Variants in UGT1A8 observed in about 807,000 individuals in gnomAD.
The protein encoded by UGT1A8 is UDP glucuronosyltransferase family 1 member A8.
Under a neutral mutation model 45.3 loss-of-function variants are expected in UGT1A8, and 39 were observed. The observed-to-expected ratio is 0.86, with a 90% CI of 0.67 to 1.12. UGT1A8 has a LOEUF of 1.12. Among genes scored for constraint, UGT1A8 ranks in the 50% most tolerant of loss-of-function variants. The pLI, the probability that UGT1A8 is intolerant of heterozygous loss-of-function variation, is 0.00. For missense variants in UGT1A8, 719 were observed against 664.9 expected (o/e 1.08, Z -0.90); for synonymous variants, 275 against 249.2 (o/e 1.10, Z -0.97).
At chr2:233,738,343 T>C (rs1471318863) in intron 1 of UGT1A8, among the ~76,000 whole-genome samples, 1 of 152,180 alleles carries the variant, frequency 6.6e-6, no homozygotes, top group Non-Finnish European at 1.5e-5. Context: ...TAAATTGGTG[T>C]CATGGAGAGT....
intron 1 of UGT1A8, chr2:233,760,375 A>T (rs1032753915): frequency 1.2e-6 from 2 of 1,614,042 alleles, no homozygotes; most frequent in Admixed American, 1.7e-5. Context: ...TGCTGGGAAG[A>T]TACTGTTGAT....
At chr2:233,620,021 C>T (rs1412758496) in intron 1 of UGT1A8, among the ~76,000 whole-genome samples, 1 of 152,088 alleles carries the variant, frequency 6.6e-6, no homozygotes, top group Non-Finnish European at 1.5e-5. Context: ...CACCTGGTGT[C>T]TCATCTCATT....
chr2:233,761,292 A>G, intron 1 of UGT1A8: 4 of 1,528,102 alleles, frequency 2.6e-6, no homozygotes, highest in Middle Eastern at 1.9e-4. Flanking sequence ...TTTGACTCCT[A>G]GGTTTGAGTC....
Position 233,766,771 on chromosome 2 carries a change from C to T in UGT1A8, c.856-263C>T, listed in dbSNP as rs71528513. ...GTGCATGTGTGTGCATGTACCTGTG[C>T]TTTTCTTTTGGAAAACTAGCACATT... On this transcript the variant is annotated intron_variant, in intron 1 of 4. Transcript: ENST00000373450. 5.2e-3 allele frequency among the ~76,000 whole-genome samples: 785 copies of T among 152,286 alleles called. 3 individuals are homozygous for T. The highest frequency in any genetic ancestry group is 8.7e-3 in the Non-Finnish European group (595 of 68,032).
At chr2:233,756,948 G>A (rs530775201) in intron 1 of UGT1A8, among the ~76,000 whole-genome samples, 1 of 152,072 alleles carries the variant, frequency 6.6e-6, no homozygotes, top group African/African-American at 2.4e-5. Flanking sequence ...CCTGAAACCC[G>A]GACTTGGCAC....
chr2:233,641,312 T>C (rs2073446168), intron 1 of UGT1A8, among the ~76,000 whole-genome samples: 1 of 152,126 alleles, frequency 6.6e-6, no homozygotes. Flanking sequence ...GCAAATACTA[T>C]CTTATAAACC....
At chr2:233,628,699 A>G (rs1406235479) in intron 1 of UGT1A8, among the ~76,000 whole-genome samples, 1 of 152,118 alleles carries the variant, frequency 6.6e-6, no homozygotes, top group Non-Finnish European at 1.5e-5. Context: ...TGCCTTGAGG[A>G]GTGGAGCATT....
At chr2:233,691,877 G>A (rs948217573) in intron 1 of UGT1A8, 2 of 155,778 alleles carry the variant, frequency 1.3e-5, no homozygotes, top group Admixed American at 1.3e-4. Flanking sequence ...ATATATGTTT[G>A]TCTTTGTTTC....
chr2:233,730,566 G>A (rs1350125224), intron 1 of UGT1A8, among the ~76,000 whole-genome samples: 2 of 152,136 alleles, frequency 1.3e-5, no homozygotes, highest in African/African-American at 2.4e-5. Flanking sequence ...AATGACACAC[G>A]AAGTTCAGTT....
intron 1 of UGT1A8, chr2:233,729,923 C>T (rs760546149): frequency 3.7e-6 from 6 of 1,614,016 alleles, no homozygotes; most frequent in Non-Finnish European, 5.1e-6. Flanking sequence ...ATGGACTACC[C>T]CAGGCCAATC....
chr2:233,670,769 C>T (rs2074168738), intron 1 of UGT1A8, among the ~76,000 whole-genome samples: 1 of 152,138 alleles, frequency 6.6e-6, no homozygotes, highest in South Asian at 2.1e-4. Context: ...CAGTGTTGAA[C>T]TCATGGGTTC....
chr2:233,693,667 A>G, intron 1 of UGT1A8: 1 of 1,614,180 alleles, frequency 6.2e-7, no homozygotes, highest in South Asian at 1.1e-5. Context: ...AGCCCTATCT[A>G]TTTTATTGTC....
chr2:233,759,342 C>A (rs1337999825), intron 1 of UGT1A8, among the ~76,000 whole-genome samples: 1 of 152,112 alleles, frequency 6.6e-6, no homozygotes, highest in Non-Finnish European at 1.5e-5. Flanking sequence ...TTCAGGTGAG[C>A]GCTGAAAATC....
intron 1 of UGT1A8, chr2:233,672,501 T>C (rs373933295): frequency 3.0e-5 from 49 of 1,613,992 alleles, no homozygotes; most frequent in Non-Finnish European, 4.2e-5. Flanking sequence ...CTCTTTCCTA[T>C]GTCCCCAGAA....
chr2:233,745,177 T>C (rs1693032562), intron 1 of UGT1A8, among the ~76,000 whole-genome samples: 1 of 151,880 alleles, frequency 6.6e-6, no homozygotes, highest in South Asian at 2.1e-4. Flanking sequence ...TTATTCACTT[T>C]TCTTGACTGC....
rs568508589 is a variant in UGT1A8, at chr2:233,772,293, C to T, written c.1327C>T (p.Leu443Phe). ...YKENIMRLSS[L>F]HKDRPVEPLD... Reference sequence around the variant, plus strand: ...GGAGAACATCATGCGCCTCTCCAGCCTTCACAAGGACCGCCCGGTGGAGCC... The same window carrying T: ...GGAGAACATCATGCGCCTCTCCAGCTTTCACAAGGACCGCCCGGTGGAGCC... The change falls in exon 5 of 5, where the codon CTT becomes TTT. Residue 443 changes from leucine (L) to phenylalanine (F), a missense_variant. Transcript: ENST00000373450. 1.2e-6 allele frequency: 2 copies of T among 1,614,258 alleles called. No homozygotes were observed. Among genetic ancestry groups the T allele is most frequent in the Non-Finnish European group, 1.7e-6 (2 of 1,180,050 alleles).
chr2:233,656,443 G>A (rs2073854983), intron 1 of UGT1A8, among the ~76,000 whole-genome samples: 1 of 152,222 alleles, frequency 6.6e-6, no homozygotes, highest in Non-Finnish European at 1.5e-5. Flanking sequence ...TCAGTGTCCG[G>A]TGGAGGTGCA....
chr2:233,678,122 C>A (rs1018092996), intron 1 of UGT1A8, among the ~76,000 whole-genome samples: 1 of 152,044 alleles, frequency 6.6e-6, no homozygotes, highest in African/African-American at 2.4e-5. Flanking sequence ...ATAGTGGGTA[C>A]TTTTGGGCAT....
At chr2:233,700,140 C>T (rs372188169) in intron 1 of UGT1A8, among the ~76,000 whole-genome samples, 9 of 152,174 alleles carry the variant, frequency 5.9e-5, no homozygotes, top group African/African-American at 2.2e-4. Flanking sequence ...AGCTGTTTGT[C>T]TCCCTATAGG....
Sources: allele counts gnomAD v4.1 joint callset (sites outside exome capture counted in the v4.1 genomes callset), GRCh38; gene constraint gnomAD v4.1.1; transcripts MANE v1.5; gene names NCBI Gene and HGNC (gene_info 2026-07-23, HGNC 2026-07-21).